The following STON1 variants were observed in gnomAD, a reference collection of about 807,000 sequenced individuals.
STON1 encodes stonin-1.
In STON1, 79 loss-of-function variants were observed where a neutral mutation model predicts 60.9. That is an observed-to-expected ratio of 1.30 (90% CI 1.08 to 1.56). The LOEUF (loss-of-function observed/expected upper bound fraction) is 1.56. Ranked by LOEUF, STON1 falls within the 40% of genes most tolerant of loss-of-function variation. The pLI is 0.00. For missense variants in STON1, 1,166 were observed against 858.9 expected (o/e 1.36, Z -4.47); for synonymous variants, 363 against 306.9 (o/e 1.18, Z -1.91).
chr2:48,543,663 CTGGG>C (rs1297768684), intron 1 of STON1, among the ~76,000 whole-genome samples: 1 of 151,318 alleles, frequency 6.6e-6, no homozygotes, highest in Non-Finnish European at 1.5e-5. Flanking sequence ...TCCCAAGTAG[CTGGG>C]ACTATAGGCA....
At chr2:48,561,565 G>C (rs1391715618) in intron 1 of STON1, among the ~76,000 whole-genome samples, 1 of 152,158 alleles carries the variant, frequency 6.6e-6, no homozygotes, top group East Asian at 1.9e-4. Context: ...CCTTGCTTTT[G>C]ACATTTTGGA....
intron 1 of STON1, among the ~76,000 whole-genome samples, chr2:48,554,894 C>G (rs1408341125): frequency 7.2e-5 from 5 of 69,894 alleles, no homozygotes; most frequent in African/African-American, 5.6e-5. Flanking sequence ...TGTTTGTGTC[C>G]CTGATTACTT....
intron 1 of STON1, among the ~76,000 whole-genome samples, chr2:48,541,446 G>T (rs959552108): frequency 6.6e-6 from 1 of 151,188 alleles, no homozygotes; most frequent in Non-Finnish European, 1.5e-5. Flanking sequence ...CACTCTGGGA[G>T]GCTGAGGCAG....
At position 48,596,639 on chromosome 2, in the gene STON1, T is replaced by C. The variant is rs934684943; in HGVS notation, c.*1337T>C. ...TGATTTAGTGTTCTTCCAAACAACA[T>C]TTATGTGTTGGCCTACAGAGTTTAT... On this transcript the variant is annotated 3_prime_UTR_variant, in exon 4 of 4. Transcript: ENST00000404752. 2.6e-5 allele frequency: 4 copies of C among 152,216 alleles called. No individual in the cohort carries two copies. The highest frequency in any genetic ancestry group is 9.6e-5 in the African/African-American group (4 of 41,454). The allele number at this position is 152,216 out of a possible 1,614,324, so 9.4% of individuals were successfully genotyped here.
chr2:48,566,873 G>C (rs1482989772), intron 1 of STON1, among the ~76,000 whole-genome samples: 1 of 152,184 alleles, frequency 6.6e-6, no homozygotes, highest in Non-Finnish European at 1.5e-5. Context: ...AGCAATATTA[G>C]TGTTTGTTCA....
Position 48,581,602 on chromosome 2 carries a change from G to C in STON1, c.969G>C (p.Gln323His), listed in dbSNP as rs142980198. 1 of 1,614,186 alleles carries C rather than the reference G, an allele frequency of 6.2e-7. No individual in the cohort carries two copies. The highest frequency in any genetic ancestry group is 1.1e-5 in the South Asian group (1 of 91,082). ...TAGAAAAACCATTTAAAGAGATACA[G>C]CTTGATCCATATTGTAGGCTTTCTG... is the stretch of plus-strand genomic sequence containing the variant. ...QGLEKPFKEI[Q>H]LDPYCRLSEP... The change falls in exon 2 of 4, where the codon CAG (glutamine) becomes CAC (histidine). Residue 323 changes from glutamine (Q) to histidine (H), a missense_variant. Transcript: ENST00000404752.
At chr2:48,538,840 A>G (rs989818061) in intron 1 of STON1, among the ~76,000 whole-genome samples, 5 of 146,938 alleles carry the variant, frequency 3.4e-5, no homozygotes, top group African/African-American at 1.3e-4. Context: ...CTGGTCTCGA[A>G]CTTCTGGCCT....
Position 48,591,848 on chromosome 2 carries a change from AC to A in STON1, c.2127del (p.Asn709LysfsTer6). The A allele has an allele frequency of 6.2e-7, 1 of 1,613,768 alleles. No homozygotes were observed. Among genetic ancestry groups the A allele is most frequent in the Non-Finnish European group, 8.5e-7 (1 of 1,179,856 alleles). On this transcript the variant is annotated frameshift_variant, in exon 3 of 4. Transcript: ENST00000404752. LOFTEE classifies it high-confidence loss of function. ...QKHVQQRACY[N>X]IQVEIEKKWI... Reference sequence around the variant, plus strand: ...CATGTTCAGCAGCGAGCTTGCTACAACATCCAGGTACATCCCAAAACTTCTA... The same window carrying A: ...CATGTTCAGCAGCGAGCTTGCTACAAATCCAGGTACATCCCAAAACTTCTA...
Position 48,564,452 on chromosome 2 carries a change from CTTCTTCTTCTTCTTCTTCTTCTTCTTCT to C in STON1, c.-47-16105_-47-16078del, listed in dbSNP as rs1558604235. Among the ~76,000 whole-genome samples the C allele has an allele frequency of 7.0e-4, 38 of 54,034 alleles. 5 individuals are homozygous for C. Among genetic ancestry groups the C allele is most frequent in the African/African-American group, 2.2e-3 (32 of 14,424 alleles). 35.4% of individuals were successfully genotyped at this position (54,034 alleles called of 152,430 possible). ...TCTTCTTCTTCTTCTTCTTCTTCTT[CTTCTTCTTCTTCTTCTTCTTCTTCTTCT>C]TTCTTCTTCTTCTTCTTCTTCTTCT... On this transcript the variant is annotated intron_variant, in intron 1 of 3. Transcript: ENST00000404752.
intron 1 of STON1, among the ~76,000 whole-genome samples, chr2:48,574,440 T>A (rs990039970): frequency 9.2e-5 from 14 of 151,982 alleles, no homozygotes; most frequent in African/African-American, 3.4e-4. Context: ...TTCACAATTG[T>A]GTTAACATAC....
chr2:48,553,949 A>T (rs944941832), intron 1 of STON1, among the ~76,000 whole-genome samples: 5 of 152,226 alleles, frequency 3.3e-5, no homozygotes, highest in Non-Finnish European at 7.3e-5. Flanking sequence ...AGGCCAGGCA[A>T]ATAGCTGTGG....
chr2:48,558,714 CTA>C (rs1431090954), intron 1 of STON1, among the ~76,000 whole-genome samples: 2 of 152,146 alleles, frequency 1.3e-5, no homozygotes, highest in Non-Finnish European at 2.9e-5. Context: ...GTTTGCTGCC[CTA>C]TGTCTTTACT....
rs1241689009 is a variant in STON1, at chr2:48,581,044, C to T, written c.411C>T (p.Pro137=). ...RPTCLSHALL[P]SDHSCTHPTP... ...CATGTTTATCCCATGCCTTGTTACCCAGTGACCACTCATGTACACATCCAA... is the reference window on the plus strand; with the variant it reads ...CATGTTTATCCCATGCCTTGTTACCTAGTGACCACTCATGTACACATCCAA... The change falls in exon 2 of 4, where the codon CCC becomes CCT. Residue 137 remains proline, a synonymous_variant. Coordinates refer to ENST00000404752, the MANE Select transcript of STON1 (RefSeq NM_006873.4). The T allele has an allele frequency of 1.9e-6, 3 of 1,580,756 alleles. No individual in the cohort carries two copies. Among genetic ancestry groups the T allele is most frequent in the Non-Finnish European group, 2.6e-6 (3 of 1,166,942 alleles).
At chr2:48,594,468 C>T (rs1674690240) in intron 3 of STON1, among the ~76,000 whole-genome samples, 1 of 152,180 alleles carries the variant, frequency 6.6e-6, no homozygotes, top group African/African-American at 2.4e-5. Flanking sequence ...GATACTGCTC[C>T]ACATGCAGGG....
At chr2:48,555,317 G>C (rs1319069211) in intron 1 of STON1, among the ~76,000 whole-genome samples, 1 of 60,270 alleles carries the variant, frequency 1.7e-5, no homozygotes, top group African/African-American at 5.9e-5. Context: ...CCGGGCGGGG[G>C]GGGCTGACCC....
At chr2:48,579,751 T>C (rs1362016234) in intron 1 of STON1, among the ~76,000 whole-genome samples, 1 of 152,154 alleles carries the variant, frequency 6.6e-6, no homozygotes, top group Non-Finnish European at 1.5e-5. Flanking sequence ...AGTGTTCAAG[T>C]CTATTGTTTC....
At chr2:48,570,843 G>GTTTTTT (rs70946811) in intron 1 of STON1, among the ~76,000 whole-genome samples, 6 of 77,118 alleles carry the variant, frequency 7.8e-5, no homozygotes, top group Admixed American at 1.6e-4. Flanking sequence ...CTGTCTCTGA[G>GTTTTTT]TTTTTTTTTT....
intron 1 of STON1, among the ~76,000 whole-genome samples, chr2:48,534,365 G>C (rs551521433): frequency 6.6e-6 from 1 of 152,102 alleles, no homozygotes; most frequent in African/African-American, 2.4e-5. Flanking sequence ...CTCATCCATG[G>C]TCACACAGCC....
chr2:48,586,177 G>A (rs1674196704), intron 2 of STON1, among the ~76,000 whole-genome samples: 1 of 152,192 alleles, frequency 6.6e-6, no homozygotes, highest in African/African-American at 2.4e-5. Flanking sequence ...AGCTTTTTGT[G>A]AAAATGATCC....
Sources: allele counts gnomAD v4.1 joint callset (sites outside exome capture counted in the v4.1 genomes callset), GRCh38; gene constraint gnomAD v4.1.1; transcripts MANE v1.5; gene names NCBI Gene and HGNC (gene_info 2026-07-23, HGNC 2026-07-21).